The following BCKDHB variants were observed in gnomAD, a reference collection of about 807,000 sequenced individuals.
The protein encoded by BCKDHB is branched chain keto acid dehydrogenase E1 subunit beta, also known as 2-oxoisovalerate dehydrogenase subunit beta, mitochondrial.
A neutral mutation model predicts 48.5 loss-of-function variants in BCKDHB; 41 were observed. The ratio of observed to expected loss-of-function variants is 0.85; its 90% confidence interval spans 0.66 to 1.10. The LOEUF is 1.10. Ranked by LOEUF, BCKDHB falls within the 50% of genes least tolerant of loss-of-function variation. The probability of loss-of-function intolerance (pLI) is 0.00; values close to 1 mark genes in which losing one functional copy is unlikely to be tolerated. For missense variants in BCKDHB, 496 were observed against 494.2 expected (o/e 1.00, Z -0.03); for synonymous variants, 201 against 174.8 (o/e 1.15, Z -1.18).
chr6:80,250,058 T>G (rs1169161204), intron 8 of BCKDHB, among the ~76,000 whole-genome samples: 2 of 152,182 alleles, frequency 1.3e-5, no homozygotes, highest in Non-Finnish European at 2.9e-5. Flanking sequence ...CAGTACACAG[T>G]GGTGTAGAGT....
chr6:80,241,816 T>C (rs1472732382), intron 8 of BCKDHB, among the ~76,000 whole-genome samples: 1 of 152,192 alleles, frequency 6.6e-6, no homozygotes, highest in Non-Finnish European at 1.5e-5. Flanking sequence ...TGAAATGGTA[T>C]CCTACTGGGT....
chr6:80,317,799 T>G (rs951445219), intron 9 of BCKDHB, among the ~76,000 whole-genome samples: 29 of 152,174 alleles, frequency 1.9e-4, no homozygotes, highest in African/African-American at 7.0e-4. Flanking sequence ...CTCTTCTACC[T>G]CACCACAGTG....
At chr6:80,240,573 G>A (rs958023754) in intron 8 of BCKDHB, among the ~76,000 whole-genome samples, 1 of 152,120 alleles carries the variant, frequency 6.6e-6, no homozygotes, top group East Asian at 1.9e-4. Flanking sequence ...GGGCTGAGAC[G>A]ATGGGGTTTT....
chr6:80,366,054 G>A, the BCKDHB span, among the ~76,000 whole-genome samples: 1 of 152,200 alleles, frequency 6.6e-6, no homozygotes, highest in African/African-American at 2.4e-5. Context: ...TGTGGCGTGT[G>A]TTGCAATTTT....
chr6:80,209,312 ATTAT>A (rs1774814633), intron 8 of BCKDHB, among the ~76,000 whole-genome samples: 1 of 151,910 alleles, frequency 6.6e-6, no homozygotes, highest in Non-Finnish European at 1.5e-5. Context: ...ATCACAGAAT[ATTAT>A]TTAGGAAAAT....
rs1485956974 is a variant in BCKDHB, at chr6:80,192,818, C to A, written c.743-8116C>A. On this transcript the variant is annotated intron_variant, in intron 6 of 9. Transcript: ENST00000320393. ...TCATTACTTTTGTGATTTATATTTG[C>A]CAACTTTTTTTTTTTTTTGAAATGG... Among the ~76,000 whole-genome samples the A allele has an allele frequency of 4.1e-5, 5 of 120,864 alleles. 1 individual carries two copies. The highest frequency in any genetic ancestry group is 3.9e-4 in the Admixed American group (4 of 10,340). The allele number at this position is 120,864 out of a possible 152,430, so 79.3% of individuals were successfully genotyped here. A position where few individuals can be genotyped will look rare whatever the true frequency, so the allele number is the denominator to read the frequency against.
intron 8 of BCKDHB, among the ~76,000 whole-genome samples, chr6:80,257,357 A>T (rs1032988758): frequency 2.7e-5 from 4 of 149,984 alleles, no homozygotes; most frequent in African/African-American, 9.8e-5. Context: ...ACACACACAC[A>T]CTTATATTGT....
the BCKDHB span, among the ~76,000 whole-genome samples, chr6:80,459,014 G>A: frequency 2.9e-4 from 44 of 152,242 alleles, 1 homozygote; most frequent in East Asian, 7.1e-3. Context: ...AATTGGAACC[G>A]TTGTGCAATG....
At position 80,344,199 on chromosome 6, in the gene BCKDHB, G is replaced by T. The variant is rs4706116; in HGVS notation, c.*395G>T. The T allele has an allele frequency of 0.96, 277,189 of 289,958 alleles. 132,542 individuals carry two copies. Among genetic ancestry groups the T allele is most frequent in the East Asian group, 0.99 (10,948 of 11,054 alleles). The allele number at this position is 289,958 out of a possible 1,614,324, so 18.0% of individuals were successfully genotyped here. ...TTTGTGTTTTTATTGGAGGTGGGGT[G>T]TCACTATGTTGGCTCAGCTGATTTC... On this transcript the variant is annotated 3_prime_UTR_variant, in exon 10 of 10. Coordinates refer to ENST00000320393, the MANE Select transcript of BCKDHB (RefSeq NM_183050.4).
chr6:80,364,880 C>A, the BCKDHB span, among the ~76,000 whole-genome samples: 1 of 152,086 alleles, frequency 6.6e-6, no homozygotes, highest in Admixed American at 6.6e-5. Flanking sequence ...TAAGTGTTGG[C>A]CAGCTGAGAA....
chr6:80,167,744 C>T lies in BCKDHB; in HGVS notation c.410C>T (p.Ala137Val), dbSNP rs776631396. The change falls in exon 4 of 10, where the codon GCG becomes GTG. Residue 137 changes from alanine (A) to valine (V), a missense_variant. Coordinates refer to ENST00000320393, the MANE Select transcript of BCKDHB (RefSeq NM_183050.4). ...ATTGTTGGATTTGGAATCGGAATTG[C>T]GGTCACTGGAGCTACTGCCATTGCG... is the stretch of plus-strand genomic sequence containing the variant. The part of the protein sequence containing the change: ...QGIVGFGIGI[A>V]VTGATAIAEI... 1.4e-5 allele frequency: 22 copies of T among 1,612,746 alleles called. No homozygotes were observed. The highest frequency in any genetic ancestry group is 1.7e-5 in the Admixed American group (1 of 59,990).
intron 9 of BCKDHB, among the ~76,000 whole-genome samples, chr6:80,325,004 T>G (rs1045225697): frequency 7.2e-5 from 11 of 152,226 alleles, no homozygotes; most frequent in African/African-American, 2.7e-4. Flanking sequence ...GTCACAGTGA[T>G]TCAATGCAAT....
Position 80,208,627 on chromosome 6 carries a change from A to G in BCKDHB, c.951+5415A>G, listed in dbSNP as rs186220642. Among the ~76,000 whole-genome samples the G allele has an allele frequency of 1.3e-4, 20 of 151,978 alleles. No homozygotes were observed. In the East Asian group the frequency reaches 3.9e-3, roughly 29 times the overall value. ...TTGTATGATGAAGAGCCCACAGACA[A>G]TGGTAAGACAAAGAGGATGTTATGA... On this transcript the variant is annotated intron_variant, in intron 8 of 9. Coordinates refer to ENST00000320393, the MANE Select transcript of BCKDHB (RefSeq NM_183050.4).
chr6:80,261,586 C>T (rs979966614), intron 8 of BCKDHB, among the ~76,000 whole-genome samples: 2 of 152,028 alleles, frequency 1.3e-5, no homozygotes, highest in African/African-American at 2.4e-5. Context: ...GAAGATACCA[C>T]GAGAATACAC....
the BCKDHB span, among the ~76,000 whole-genome samples, chr6:80,424,844 A>G: frequency 2.2e-4 from 34 of 152,174 alleles, no homozygotes; most frequent in Non-Finnish European, 4.3e-4. Flanking sequence ...TCAGGAGTTA[A>G]TGGTGCCATT....
In BCKDHB at chr6:80,174,434, T is replaced by C. The variant is rs185643266; in HGVS notation, c.742+3044T>C. Among the ~76,000 whole-genome samples, 176 of 152,214 alleles carry C rather than the reference T, an allele frequency of 1.2e-3. 3 individuals are homozygous for C. The highest frequency in any genetic ancestry group is 3.9e-3 in the African/African-American group (164 of 41,532). On this transcript the variant is annotated intron_variant, in intron 6 of 9. Transcript: ENST00000320393. ...TACCCCAATACCAAAATCCAGAGCA[T>C]ACTCAAGTCCCATGGCTGGCCTGTG...
chr6:80,441,944 T>A, the BCKDHB span, among the ~76,000 whole-genome samples: 1 of 152,152 alleles, frequency 6.6e-6, no homozygotes, highest in Non-Finnish European at 1.5e-5. Context: ...ACAATATGAT[T>A]AATGATACAA....
At chr6:80,268,254 T>C (rs1777596814) in intron 8 of BCKDHB, among the ~76,000 whole-genome samples, 1 of 152,158 alleles carries the variant, frequency 6.6e-6, no homozygotes, top group South Asian at 2.1e-4. Context: ...TCAGTTGCGT[T>C]GATATTTGAA....
At chr6:80,457,815 G>A in the BCKDHB span, among the ~76,000 whole-genome samples, 2 of 152,256 alleles carry the variant, frequency 1.3e-5, no homozygotes, top group African/African-American at 4.8e-5. Flanking sequence ...AGACTCAAAA[G>A]TGCCAGTGGC....
Sources: allele counts gnomAD v4.1 joint callset (sites outside exome capture counted in the v4.1 genomes callset), GRCh38; gene constraint gnomAD v4.1.1; transcripts MANE v1.5; gene names NCBI Gene and HGNC (gene_info 2026-07-23, HGNC 2026-07-21).